The following ACVR2A variants were observed in gnomAD, a reference collection of about 807,000 sequenced individuals.
ACVR2A encodes activin A receptor type 2A, also known as activin receptor type-2A.
A neutral mutation model predicts 61.4 loss-of-function variants in ACVR2A; 7 were observed. That is an observed-to-expected ratio of 0.11 (90% confidence interval 0.06 to 0.21). The LOEUF (loss-of-function observed/expected upper bound fraction) is 0.21, where lower values mean the gene tolerates loss of function less well. Among genes scored for constraint, ACVR2A ranks in the 10% least tolerant of loss-of-function variants. ACVR2A has a pLI of 1.00. For missense variants in ACVR2A, 322 were observed against 621.7 expected (o/e 0.52, Z 5.13); for synonymous variants, 193 against 208.3 (o/e 0.93, Z 0.63).
In ACVR2A at chr2:147,896,512, A is replaced by C. The variant is rs1056925763; in HGVS notation, c.263+4A>C. ...ATGATATCAACTGCTATGACAGGTA[A>C]GAACACATTTAAGATTTTATGGTAG... is the stretch of plus-strand genomic sequence containing the variant. On this transcript the variant is annotated splice_donor_region_variant and intron_variant, in intron 2 of 10. Coordinates refer to ENST00000241416, the MANE Select transcript of ACVR2A (RefSeq NM_001616.5). 1 of 1,613,672 alleles carries C rather than the reference A, an allele frequency of 6.2e-7. No individual in the cohort carries two copies. The highest frequency in any genetic ancestry group is 8.5e-7 in the Non-Finnish European group (1 of 1,179,684).
intron 4 of ACVR2A, chr2:147,903,076 A>C (rs1322271873): frequency 6.6e-6 from 1 of 151,972 alleles, no homozygotes; most frequent in Non-Finnish European, 1.5e-5. Context: ...TTATGACATC[A>C]AATTGTTTAG....
rs899378577 is a variant in ACVR2A, at chr2:147,906,214, G to T, written c.528+6316G>T. Among the ~76,000 whole-genome samples the T allele has an allele frequency of 3.3e-5, 5 of 152,010 alleles. No individual in the cohort carries two copies. The East Asian group carries it at 5.8e-4, about 18-fold the overall frequency. ...TTTTTTAAATTAAGATAATAGAAAT[G>T]AAAAACGTCCCATTGTTAGCTAAAG... On this transcript the variant is annotated intron_variant, in intron 4 of 10. Transcript: ENST00000241416.
At chr2:147,883,538 TAAAC>T (rs563729275) in intron 1 of ACVR2A, among the ~76,000 whole-genome samples, 2 of 152,152 alleles carry the variant, frequency 1.3e-5, no homozygotes, top group Non-Finnish European at 2.9e-5. Flanking sequence ...ACAAAAGTAA[TAAAC>T]AAGACATTGA....
chr2:147,925,716 G>A (rs1315485399), intron 9 of ACVR2A: 3 of 207,450 alleles, frequency 1.4e-5, no homozygotes, highest in Admixed American at 5.6e-5. Context: ...ATTATATAAC[G>A]TTAATTTACA....
chr2:147,917,414 A>G lies in ACVR2A; in HGVS notation c.804A>G (p.Ala268=). 1.2e-6 allele frequency: 2 copies of G among 1,611,988 alleles called. No individual in the cohort carries two copies. The highest frequency in any genetic ancestry group is 2.2e-5 in the East Asian group (1 of 44,768). ...SVDVDLWLIT[A]FHEKGSLSDF... ...ATGTGGATCTTTGGCTGATCACAGCATTTCATGAAAAGGTAAAACTACTTA... is the reference window on the plus strand; with the variant it reads ...ATGTGGATCTTTGGCTGATCACAGCGTTTCATGAAAAGGTAAAACTACTTA... Residue 268 remains alanine (A), a synonymous_variant, in exon 6 of 11, where the codon GCA becomes GCG. Transcript: ENST00000241416.
chr2:147,869,154 A>G (rs1219558756), intron 1 of ACVR2A, among the ~76,000 whole-genome samples: 1 of 152,160 alleles, frequency 6.6e-6, no homozygotes, highest in Non-Finnish European at 1.5e-5. Flanking sequence ...CTTTAATATT[A>G]GAAAATATTC....
At position 147,930,025 on chromosome 2, in the gene ACVR2A, G is replaced by A. The variant is rs1233074188; in HGVS notation, c.*2751G>A. 1 of 152,458 alleles carries A rather than the reference G, an allele frequency of 6.6e-6. No individual in the cohort carries two copies. Among genetic ancestry groups the A allele is most frequent in the Admixed American group, 6.6e-5 (1 of 15,224 alleles). 9.4% of individuals were successfully genotyped at this position (152,458 alleles called of 1,614,324 possible). On this transcript the variant is annotated 3_prime_UTR_variant, in exon 11 of 11. Transcript: ENST00000241416. ...GCTCTTGTATGTATTTTAGATGCTA[G>A]AAGTTTTTTTAGCATGTGATGTGTG...
intron 4 of ACVR2A, among the ~76,000 whole-genome samples, chr2:147,907,580 T>C (rs556671792): frequency 1.1e-4 from 17 of 152,298 alleles, no homozygotes; most frequent in Admixed American, 9.8e-4. Context: ...AAGTCCGTTT[T>C]ATAGATAAGA....
chr2:147,922,646 A>C (rs1687411389), intron 8 of ACVR2A, among the ~76,000 whole-genome samples: 1 of 152,054 alleles, frequency 6.6e-6, no homozygotes, highest in African/African-American at 2.4e-5. Flanking sequence ...CCTCAAAAAA[A>C]GTTTTTTTTT....
intron 1 of ACVR2A, among the ~76,000 whole-genome samples, chr2:147,886,589 T>G (rs1029332333): frequency 4.6e-5 from 7 of 152,228 alleles, no homozygotes; most frequent in South Asian, 2.1e-4. Flanking sequence ...CAGAAAAAAG[T>G]GTAGTGAAAT....
intron 1 of ACVR2A, among the ~76,000 whole-genome samples, chr2:147,888,491 A>G (rs1218880361): frequency 1.3e-5 from 2 of 152,076 alleles, no homozygotes; most frequent in African/African-American, 4.8e-5. Flanking sequence ...GATCCTATAC[A>G]TGTTTTGTTA....
At chr2:147,849,107 A>G (rs1237040715) in intron 1 of ACVR2A, among the ~76,000 whole-genome samples, 1 of 152,168 alleles carries the variant, frequency 6.6e-6, no homozygotes, top group African/African-American at 2.4e-5. Context: ...CTATAATAAA[A>G]TATTCCAATG....
chr2:147,865,373 A>AT (rs969029305), intron 1 of ACVR2A, among the ~76,000 whole-genome samples: 2 of 152,150 alleles, frequency 1.3e-5, no homozygotes, highest in African/African-American at 4.8e-5. Context: ...AAGATTAAGG[A>AT]TTTTTTAGTA....
At chr2:147,864,932 A>G (rs753169578) in intron 1 of ACVR2A, among the ~76,000 whole-genome samples, 1 of 152,192 alleles carries the variant, frequency 6.6e-6, no homozygotes, top group African/African-American at 2.4e-5. Context: ...CTCTAAAAAT[A>G]CACATTCTGA....
chr2:147,863,460 C>T (rs765411386), intron 1 of ACVR2A, among the ~76,000 whole-genome samples: 1 of 152,132 alleles, frequency 6.6e-6, no homozygotes, highest in Admixed American at 6.5e-5. Context: ...CAGAAGTTAA[C>T]TAATAATACC....
chr2:147,916,547 A>G (rs1025908881), intron 5 of ACVR2A, among the ~76,000 whole-genome samples: 2 of 151,950 alleles, frequency 1.3e-5, no homozygotes, highest in African/African-American at 4.8e-5. Flanking sequence ...TAATGAGGAC[A>G]CTGAAGGATT....
At chr2:147,869,555 G>A (rs1387112632) in intron 1 of ACVR2A, among the ~76,000 whole-genome samples, 1 of 152,206 alleles carries the variant, frequency 6.6e-6, no homozygotes, top group East Asian at 1.9e-4. Flanking sequence ...GAAAAGCAGT[G>A]TGCCTTTTAT....
intron 1 of ACVR2A, among the ~76,000 whole-genome samples, chr2:147,851,333 A>G (rs570976596): frequency 1.3e-5 from 2 of 152,190 alleles, no homozygotes; most frequent in Non-Finnish European, 2.9e-5. Flanking sequence ...TCTTGGTTTC[A>G]TAACTTAACC....
At chr2:147,845,357 C>CCCCCG in intron 1 of ACVR2A, 150 bp downstream of exon 1, 4 of 536,310 alleles carry the variant, frequency 7.5e-6, no homozygotes, top group East Asian at 3.5e-5. Context: ...CGCCCCCCCC[C>CCCCCG]CCCGCCCCCA....
Sources: gnomAD v4.1 joint callset for allele counts (sites outside exome capture counted in the v4.1 genomes callset) on GRCh38, gnomAD v4.1.1 for gene constraint, MANE v1.5 for transcripts, NCBI Gene and HGNC (gene_info 2026-07-23, HGNC 2026-07-21) for gene names.